The following WDFY4 variants were observed in gnomAD, a reference collection of about 807,000 sequenced individuals.
WDFY4 encodes WD repeat- and FYVE domain-containing protein 4.
In WDFY4, 169 loss-of-function variants were observed where a neutral mutation model predicts 351.9. That is an observed-to-expected ratio of 0.48 (90% CI 0.42 to 0.55). The LOEUF (loss-of-function observed/expected upper bound fraction) is 0.55. Ranked by LOEUF, WDFY4 falls within the 20% of genes least tolerant of loss-of-function variation. The probability of loss-of-function intolerance (pLI) is 0.00; values close to 1 mark genes in which losing one functional copy is unlikely to be tolerated. For missense variants in WDFY4, 3,803 were observed against 3,935.6 expected, an observed-to-expected ratio of 0.97 and a Z score of 0.90; for synonymous variants, 1,622 against 1,574.6, an observed-to-expected ratio of 1.03 and a Z score of -0.71.
At chr10:48,980,786 C>G (rs1279628453) in intron 60 of WDFY4, among the ~76,000 whole-genome samples, 4 of 152,106 alleles carry the variant, frequency 2.6e-5, no homozygotes, top group Non-Finnish European at 4.4e-5. Flanking sequence ...AGGGACGTAC[C>G]CAGCTGGCGT....
intron 20 of WDFY4, among the ~76,000 whole-genome samples, chr10:48,787,968 T>TCTCCTCCTTCTC (rs2066535967): frequency 1.1e-5 from 1 of 93,262 alleles, no homozygotes; most frequent in African/African-American, 4.7e-5. Context: ...TTCTTCTTCT[T>TCTCCTCCTTCTC]CTTCTTCTTC....
At chr10:48,857,637 A>G (rs2069182353) in intron 39 of WDFY4, among the ~76,000 whole-genome samples, 2 of 152,236 alleles carry the variant, frequency 1.3e-5, no homozygotes, top group Admixed American at 1.3e-4. Context: ...TAGCCAGTCT[A>G]TTATTAAAAG....
At chr10:48,947,887 G>A (rs539525959) in intron 51 of WDFY4, among the ~76,000 whole-genome samples, 107 of 152,342 alleles carry the variant, frequency 7.0e-4, no homozygotes, top group African/African-American at 2.5e-3. Flanking sequence ...AGAAAGGCAT[G>A]AGCTGGGATG....
At chr10:48,973,519 A>AT (rs1392849222) in intron 57 of WDFY4, among the ~76,000 whole-genome samples, 1 of 152,210 alleles carries the variant, frequency 6.6e-6, no homozygotes, top group Non-Finnish European at 1.5e-5. Context: ...TGAATGAGTG[A>AT]TTGTCTCTGC....
chr10:48,931,368 G>A (rs1424257903), intron 47 of WDFY4, among the ~76,000 whole-genome samples: 1 of 152,330 alleles, frequency 6.6e-6, no homozygotes, highest in African/African-American at 2.4e-5. Flanking sequence ...GCCACTGAGA[G>A]TGGGGGAGGA....
At chr10:48,779,276 G>T (rs572435350) in intron 18 of WDFY4, among the ~76,000 whole-genome samples, 1 of 152,306 alleles carries the variant, frequency 6.6e-6, no homozygotes, top group East Asian at 1.9e-4. Flanking sequence ...AACCCAGAAG[G>T]CTGGCCCATG....
At position 48,969,671 on chromosome 10, in the gene WDFY4, T is replaced by C. The variant is rs183419411; in HGVS notation, c.8769+423T>C. ...GTCCTCCCAGCCCCCGTGTAGGCCA[T>C]GCAGTCACCTCTGCCTTCTTGATGT... On this transcript the variant is annotated intron_variant, in intron 56 of 61. Coordinates refer to ENST00000325239, the MANE Select transcript of WDFY4 (RefSeq NM_001394531.1). Among the ~76,000 whole-genome samples, 257 of 152,162 alleles carry C rather than the reference T, an allele frequency of 1.7e-3. 3 individuals are homozygous for C. Among genetic ancestry groups the C allele is most frequent in the African/African-American group, 6.0e-3 (248 of 41,502 alleles).
At chr10:48,912,447 A>G (rs1442610379) in intron 47 of WDFY4, among the ~76,000 whole-genome samples, 2 of 152,162 alleles carry the variant, frequency 1.3e-5, no homozygotes, top group Non-Finnish European at 2.9e-5. Context: ...GACCTGTCCA[A>G]CCTCAGAATC....
rs111713327 is a variant in WDFY4 at position 48,779,876 on chromosome 10, C to G, written c.3398-65C>G. The G allele has an allele frequency of 0.01, 15,670 of 1,531,836 alleles. 1,464 individuals carry two copies. The African/African-American group carries it at 0.19, about 19-fold the overall frequency. 94.9% of individuals were successfully genotyped at this position (1,531,836 alleles called of 1,614,324 possible). A position where few individuals can be genotyped will look rare whatever the true frequency, so the allele number is the denominator to read the frequency against. ...TGGTTGACGTCCGCCTATGCCCTCC[C>G]CATTCTCCTGGGTTCCTGCAGTGTA... On this transcript the variant is annotated intron_variant, in intron 18 of 61. Coordinates refer to ENST00000325239, the MANE Select transcript of WDFY4 (RefSeq NM_001394531.1).
At chr10:48,877,693 A>G (rs528690485) in intron 43 of WDFY4, among the ~76,000 whole-genome samples, 1 of 152,180 alleles carries the variant, frequency 6.6e-6, no homozygotes, top group Non-Finnish European at 1.5e-5. Flanking sequence ...GGGTAAGCAC[A>G]CTTGTGGCAC....
chr10:48,949,913 A>G (rs1841237918), intron 51 of WDFY4, among the ~76,000 whole-genome samples: 1 of 152,000 alleles, frequency 6.6e-6, no homozygotes, highest in South Asian at 2.1e-4. Context: ...TAGGAGGATC[A>G]CCTCTGAAGG....
chr10:48,740,218 G>A (rs1214533442), intron 11 of WDFY4, among the ~76,000 whole-genome samples: 1 of 152,184 alleles, frequency 6.6e-6, no homozygotes, highest in African/African-American at 2.4e-5. Flanking sequence ...CATGGCATGT[G>A]TCACGTGACC....
chr10:48,910,678 T>A (rs1000663222), intron 47 of WDFY4, among the ~76,000 whole-genome samples: 3 of 152,154 alleles, frequency 2.0e-5, no homozygotes, highest in African/African-American at 7.2e-5. Flanking sequence ...TATGTCTCAA[T>A]CCTGGTAAAG....
At chr10:48,733,812 C>T in intron 9 of WDFY4, 119 bp from the exon 10 acceptor site, 1 of 868,138 alleles carries the variant, frequency 1.2e-6, no homozygotes, top group Middle Eastern at 2.7e-4. Flanking sequence ...ATACACACTC[C>T]CTTATGATGA....
intron 1 of WDFY4, among the ~76,000 whole-genome samples, chr10:48,693,934 T>A (rs1188579336): frequency 1.3e-5 from 2 of 152,254 alleles, no homozygotes; most frequent in Admixed American, 1.3e-4. Context: ...GTTTGTGCCC[T>A]CACTTTTTTG....
intron 11 of WDFY4, among the ~76,000 whole-genome samples, chr10:48,739,602 C>A (rs2064787287): frequency 2.0e-5 from 3 of 152,150 alleles, no homozygotes; most frequent in Non-Finnish European, 4.4e-5. Flanking sequence ...GGACTCTTTA[C>A]TTTATGACTC....
At chr10:48,764,411 C>T (rs1226516095) in intron 13 of WDFY4, among the ~76,000 whole-genome samples, 1 of 152,166 alleles carries the variant, frequency 6.6e-6, no homozygotes, top group Non-Finnish European at 1.5e-5. Context: ...AAAATGGAGT[C>T]CAGCTCAGTT....
At chr10:48,851,293 A>G (rs1474428016) in intron 39 of WDFY4, among the ~76,000 whole-genome samples, 2 of 152,018 alleles carry the variant, frequency 1.3e-5, no homozygotes, top group Admixed American at 1.3e-4. Flanking sequence ...CACAGGATGG[A>G]CCCTCCTCCA....
At chr10:48,698,277 T>G (rs1354164618) in intron 1 of WDFY4, among the ~76,000 whole-genome samples, 1 of 152,206 alleles carries the variant, frequency 6.6e-6, no homozygotes, top group African/African-American at 2.4e-5. Context: ...CGTGGGAGAT[T>G]ACACCAATCT....
Sources: gnomAD v4.1 joint callset for allele counts (sites outside exome capture counted in the v4.1 genomes callset) on GRCh38, gnomAD v4.1.1 for gene constraint, MANE v1.5 for transcripts, NCBI Gene and HGNC (gene_info 2026-07-23, HGNC 2026-07-21) for gene names.